Variants in CTNNA3 observed in about 807,000 individuals in gnomAD.
CTNNA3 encodes the protein catenin alpha-3.
Under a neutral mutation model 95.7 loss-of-function variants are expected in CTNNA3, and 76 were observed. The ratio of observed to expected loss-of-function variants is 0.79; its 90% confidence interval spans 0.66 to 0.96. CTNNA3 has a LOEUF of 0.96. Ranked by LOEUF, CTNNA3 falls within the 40% of genes least tolerant of loss-of-function variation. The pLI is 0.00. For missense variants in CTNNA3, 1,191 were observed against 1,089.8 expected, an observed-to-expected ratio of 1.09 and a Z score of -1.31; for synonymous variants, 431 against 374.4, an observed-to-expected ratio of 1.15 and a Z score of -1.74.
At chr10:66,125,334 G>A (rs1435113551) in intron 13 of CTNNA3, among the ~76,000 whole-genome samples, 1 of 152,034 alleles carries the variant, frequency 6.6e-6, no homozygotes, top group Admixed American at 6.6e-5. Context: ...AAGAGTTGAG[G>A]GGAGGAATTG....
chr10:66,996,319 C>T (rs1314614383), intron 7 of CTNNA3, among the ~76,000 whole-genome samples: 2 of 152,090 alleles, frequency 1.3e-5, no homozygotes, highest in East Asian at 3.9e-4. Context: ...GCAAGAGTGC[C>T]ATTAATATAT....
chr10:66,774,967 G>C (rs1386952476), intron 8 of CTNNA3, among the ~76,000 whole-genome samples: 1 of 152,108 alleles, frequency 6.6e-6, no homozygotes, highest in African/African-American at 2.4e-5. Flanking sequence ...AAGGAGGAAT[G>C]GGTAGGGTCT....
chr10:67,124,694 C>T (rs143443650), intron 7 of CTNNA3, among the ~76,000 whole-genome samples: 37 of 152,236 alleles, frequency 2.4e-4, no homozygotes, highest in Non-Finnish European at 4.3e-4. Flanking sequence ...ATAATAAATT[C>T]GTCATTCCTA....
intron 13 of CTNNA3, among the ~76,000 whole-genome samples, chr10:66,203,751 T>C (rs1197874121): frequency 6.6e-6 from 1 of 152,176 alleles, no homozygotes; most frequent in Admixed American, 6.6e-5. Flanking sequence ...AGCAAAATAC[T>C]TTTATTATGT....
chr10:66,647,511 C>CTTTTT (rs59117038), intron 9 of CTNNA3, among the ~76,000 whole-genome samples: 1 of 146,486 alleles, frequency 6.8e-6, no homozygotes, highest in Non-Finnish European at 1.5e-5. Flanking sequence ...AAAAATTACT[C>CTTTTT]TTTTTTTTTT....
intron 1 of CTNNA3, among the ~76,000 whole-genome samples, chr10:67,726,572 C>CATATTATATAATATAATATATATTAA (rs1841226458): frequency 1.8e-5 from 1 of 55,272 alleles, no homozygotes; most frequent in African/African-American, 9.5e-5. Context: ...ATATATATTA[C>CATATTATATAATATAATATATATTAA]ATATTATATA....
At chr10:66,283,553 T>C (rs1444604908) in intron 12 of CTNNA3, among the ~76,000 whole-genome samples, 1 of 151,896 alleles carries the variant, frequency 6.6e-6, no homozygotes, top group Non-Finnish European at 1.5e-5. Flanking sequence ...ACACAGCCTT[T>C]TCATTAGTGC....
chr10:67,078,777 A>G (rs550224773), intron 7 of CTNNA3, among the ~76,000 whole-genome samples: 6 of 152,192 alleles, frequency 3.9e-5, no homozygotes, highest in African/African-American at 1.4e-4. Flanking sequence ...CGGCCCCCCA[A>G]CGTGCTGAGA....
At chr10:65,948,681 A>G (rs1285853227) in intron 17 of CTNNA3, among the ~76,000 whole-genome samples, 3 of 152,166 alleles carry the variant, frequency 2.0e-5, no homozygotes, top group African/African-American at 7.2e-5. Flanking sequence ...TCAATGAAGA[A>G]ATGTCTATTT....
chr10:66,962,052 T>C (rs1849138311), intron 7 of CTNNA3, among the ~76,000 whole-genome samples: 1 of 152,162 alleles, frequency 6.6e-6, no homozygotes, highest in Admixed American at 6.5e-5. Flanking sequence ...CCGTTATTCC[T>C]GTCTTGGTTT....
intron 7 of CTNNA3, among the ~76,000 whole-genome samples, chr10:67,151,026 A>G (rs865934892): frequency 6.6e-6 from 1 of 152,196 alleles, no homozygotes; most frequent in Non-Finnish European, 1.5e-5. Context: ...ATTTTTTCCC[A>G]TGATGCACAG....
chr10:66,651,466 T>A (rs2132413999), intron 9 of CTNNA3, among the ~76,000 whole-genome samples: 1 of 151,192 alleles, frequency 6.6e-6, no homozygotes, highest in South Asian at 2.1e-4. Flanking sequence ...AGTGCCGCAC[T>A]CCTCAGCCCT....
intron 8 of CTNNA3, among the ~76,000 whole-genome samples, chr10:66,772,391 C>T (rs927919783): frequency 6.6e-6 from 1 of 150,870 alleles, no homozygotes; most frequent in African/African-American, 2.4e-5. Context: ...CACCACTGCA[C>T]TCCAGCCTGG....
At chr10:67,044,056 A>G (rs930010007) in intron 7 of CTNNA3, among the ~76,000 whole-genome samples, 2 of 152,014 alleles carry the variant, frequency 1.3e-5, no homozygotes, top group African/African-American at 4.8e-5. Flanking sequence ...GGTAGTAAAC[A>G]TAGTACCAAA....
intron 5 of CTNNA3, among the ~76,000 whole-genome samples, chr10:67,230,916 C>A (rs1055307136): frequency 6.6e-6 from 1 of 152,178 alleles, no homozygotes; most frequent in African/African-American, 2.4e-5. Flanking sequence ...GGGTGACAGA[C>A]CGCACCTGGA....
intron 13 of CTNNA3, among the ~76,000 whole-genome samples, chr10:66,276,238 T>G (rs1442504133): frequency 6.6e-6 from 1 of 152,078 alleles, no homozygotes; most frequent in African/African-American, 2.4e-5. Flanking sequence ...TTGGAAAGTA[T>G]CTCTATATTT....
rs184784593 is a variant in CTNNA3 at position 67,231,846 on chromosome 10, A to G, written c.580-11976T>C. Among the ~76,000 whole-genome samples, 605 of 152,340 alleles carry G rather than the reference A, an allele frequency of 4.0e-3. 6 individuals are homozygous for G. The highest frequency in any genetic ancestry group is 0.014 in the African/African-American group (580 of 41,570). On this transcript the variant is annotated intron_variant, in intron 5 of 17. Transcript: ENST00000433211. ...TTGATGGAGCTGAAAACCAAGGCTC[A>G]AGAACTACGTGAAGAATGCAGAAGC...
Position 67,332,731 on chromosome 10 carries a change from A to T in CTNNA3, c.580-112861T>A, listed in dbSNP as rs151178961. 6.4e-3 allele frequency among the ~76,000 whole-genome samples: 981 copies of T among 152,218 alleles called. 6 individuals carry two copies. The highest frequency in any genetic ancestry group is 0.011 in the Non-Finnish European group (728 of 68,002). On this transcript the variant is annotated intron_variant, in intron 5 of 17. Coordinates refer to ENST00000433211, the MANE Select transcript of CTNNA3 (RefSeq NM_013266.4). ...GCAATTTTCCCTAATTTCATATCCCATGATTTGGAGTCGATTGTCCACTCT... is the reference window on the plus strand; with the variant it reads ...GCAATTTTCCCTAATTTCATATCCCTTGATTTGGAGTCGATTGTCCACTCT...
chr10:66,234,362 G>A (rs1190339131), intron 13 of CTNNA3, among the ~76,000 whole-genome samples: 6 of 152,088 alleles, frequency 3.9e-5, no homozygotes, highest in Non-Finnish European at 5.9e-5. Flanking sequence ...GTGCTCCTTA[G>A]AGTTGAAGAT....
Sources: allele counts gnomAD v4.1 joint callset (sites outside exome capture counted in the v4.1 genomes callset), GRCh38; gene constraint gnomAD v4.1.1; transcripts MANE v1.5; gene names NCBI Gene and HGNC (gene_info 2026-07-23, HGNC 2026-07-21).